ADGRF1: variants seen among roughly 807,000 people sequenced by gnomAD.
ADGRF1 encodes the protein adhesion G protein-coupled receptor F1, also known as G protein-coupled receptor 110.
A neutral mutation model predicts 87.2 loss-of-function variants in ADGRF1; 85 were observed. The ratio of observed to expected loss-of-function variants is 0.97; its 90% confidence interval spans 0.82 to 1.17. ADGRF1 has a LOEUF of 1.17. Ranked by LOEUF, ADGRF1 falls within the 50% of genes most tolerant of loss-of-function variation. The pLI, the probability that ADGRF1 is intolerant of heterozygous loss-of-function variation, is 0.00. For synonymous variants in ADGRF1, 430 were observed against 408.8 expected (o/e 1.05, Z -0.63); for missense variants, 1,169 against 1,077.2 (o/e 1.09, Z -1.19).
intron 2 of ADGRF1, among the ~76,000 whole-genome samples, chr6:47,028,551 G>T (rs1011765403): frequency 1.3e-5 from 2 of 152,152 alleles, no homozygotes; most frequent in Admixed American, 1.3e-4. Flanking sequence ...ACAGGGGAGA[G>T]GTCTGAGATG....
At chr6:47,014,955 T>G (rs1349588033) in intron 8 of ADGRF1, 111 bp from the exon 9 acceptor site, 3 of 1,370,124 alleles carry the variant, frequency 2.2e-6, no homozygotes, top group Non-Finnish European at 1.9e-6. Context: ...GGAGATGAAA[T>G]CCAGGCAAAA....
intron 14 of ADGRF1, 150 bp downstream of exon 14, chr6:47,001,351 C>T (rs113246818): frequency 4.3e-5 from 26 of 606,664 alleles, no homozygotes; most frequent in African/African-American, 1.3e-4. Flanking sequence ...GCCCTGAGCA[C>T]GGTCTGGATG....
At position 47,024,180 on chromosome 6, in the gene ADGRF1, A is replaced by G; in HGVS notation, c.315T>C (p.Cys105=). ...NSLNGVLQCT[C]EDSYTWFPPS... is the part of the protein sequence containing the mutation. Reference sequence around the variant, plus strand: ...GAGGAAACCAGGTGTAGCTGTCTTCACAGGTACACTGCAGGACTCCATTCA... The same window carrying G: ...GAGGAAACCAGGTGTAGCTGTCTTCGCAGGTACACTGCAGGACTCCATTCA... Residue 105 remains cysteine, a synonymous_variant, in exon 5 of 15, where the codon TGT becomes TGC. Coordinates refer to ENST00000371253, the MANE Select transcript of ADGRF1 (RefSeq NM_153840.4). 6.2e-7 allele frequency: 1 copy of G among 1,614,132 alleles called. No homozygotes were observed. Among genetic ancestry groups the G allele is most frequent in the Non-Finnish European group, 8.5e-7 (1 of 1,179,960 alleles).
intron 1 of ADGRF1, among the ~76,000 whole-genome samples, chr6:47,037,280 A>G (rs1467690327): frequency 1.3e-5 from 2 of 152,032 alleles, no homozygotes; most frequent in Non-Finnish European, 2.9e-5. Flanking sequence ...TTCCAGCTTG[A>G]CTATTTAAGT....
At position 47,024,115 on chromosome 6, in the gene ADGRF1, G is replaced by A; in HGVS notation, c.380C>T (p.Ala127Val). 6.2e-7 allele frequency: 1 copy of A among 1,614,128 alleles called. No individual in the cohort carries two copies. The highest frequency in any genetic ancestry group is 8.5e-7 in the Non-Finnish European group (1 of 1,179,982). ...LDPQNCYLHT[A>V]GALPSCECHL... Reference sequence around the variant, plus strand: ...ACATTCACAGCTTGGGAGTGCTCCAGCCGTGTGAAGGTAGCAGTTCTGGGG... The same window carrying A: ...ACATTCACAGCTTGGGAGTGCTCCAACCGTGTGAAGGTAGCAGTTCTGGGG... The change falls in exon 5 of 15, where the codon GCT becomes GTT. Residue 127 changes from alanine to valine, a missense_variant. By Grantham distance (64) the Ala-to-Val change is moderately conservative (BLOSUM62 0). Transcript: ENST00000371253.
At chr6:47,031,474 G>A (rs975736149) in intron 1 of ADGRF1, among the ~76,000 whole-genome samples, 2 of 151,958 alleles carry the variant, frequency 1.3e-5, no homozygotes, top group Non-Finnish European at 2.9e-5. Flanking sequence ...TGGGCATTGT[G>A]GGAAAGCCTT....
chr6:47,012,996 A>G, intron 9 of ADGRF1: 1 of 849,790 alleles, frequency 1.2e-6, no homozygotes, highest in Non-Finnish European at 1.4e-6. Context: ...CTGGTCTTGA[A>G]CTCTTGACCT....
chr6:47,010,467 G>T, intron 10 of ADGRF1, 149 bp from the exon 11 acceptor site: 2 of 730,782 alleles, frequency 2.7e-6, no homozygotes, highest in South Asian at 2.0e-5. Flanking sequence ...ATCAAATTTA[G>T]CTCAGTTCAT....
chr6:47,021,927 AT>A, intron 6 of ADGRF1, 30 bp downstream of exon 6: 1 of 1,188,018 alleles, frequency 8.4e-7, no homozygotes, highest in Non-Finnish European at 1.2e-6. Context: ...GTAGCAAACG[AT>A]TCCTTATATA....
At chr6:47,022,797 C>CTTTTTTTTTTTTT (rs1160296509) in intron 5 of ADGRF1, among the ~76,000 whole-genome samples, 1 of 135,030 alleles carries the variant, frequency 7.4e-6, no homozygotes, top group African/African-American at 3.0e-5. Context: ...TCTTTCTTTT[C>CTTTTTTTTTTTTT]TTTTTTCTTT....
chr6:47,002,925 C>G (rs903803340), intron 13 of ADGRF1, among the ~76,000 whole-genome samples: 1 of 152,138 alleles, frequency 6.6e-6, no homozygotes, highest in African/African-American at 2.4e-5. Flanking sequence ...TCTCACTGCT[C>G]TGTTCAGGAT....
chr6:47,016,262 G>T (rs947987486), intron 8 of ADGRF1, among the ~76,000 whole-genome samples: 3 of 152,132 alleles, frequency 2.0e-5, no homozygotes, highest in Non-Finnish European at 4.4e-5. Flanking sequence ...ATGTGTTAAA[G>T]ACATAATTTC....
intron 13 of ADGRF1, among the ~76,000 whole-genome samples, chr6:47,003,103 C>T (rs1030768923): frequency 2.0e-5 from 3 of 150,546 alleles, no homozygotes; most frequent in Admixed American, 2.0e-4. Flanking sequence ...CCCTCTCAGC[C>T]AAGGAGATTT....
rs577572552 is a variant in ADGRF1 at position 47,041,447 on chromosome 6, T to C, written c.-44+744A>G. Among the ~76,000 whole-genome samples the C allele has an allele frequency of 3.4e-4, 52 of 152,330 alleles. 1 individual carries two copies. The South Asian group carries it at 0.01, about 30-fold the overall frequency. On this transcript the variant is annotated intron_variant, in intron 1 of 14. Coordinates refer to ENST00000371253, the MANE Select transcript of ADGRF1 (RefSeq NM_153840.4). Reference sequence around the variant, plus strand: ...CTCTCCCACCTTGACCTTCTTTCTATATCTCCTTCGGTATTTTTCCTTCAT... The same window carrying C: ...CTCTCCCACCTTGACCTTCTTTCTACATCTCCTTCGGTATTTTTCCTTCAT...
chr6:47,029,346 G>A (rs1780341322), intron 1 of ADGRF1, among the ~76,000 whole-genome samples: 1 of 151,330 alleles, frequency 6.6e-6, no homozygotes, highest in South Asian at 2.1e-4. Context: ...GATGGTATCT[G>A]ACTAAACACA....
At chr6:47,035,096 C>T (rs1361889209) in intron 1 of ADGRF1, among the ~76,000 whole-genome samples, 2 of 152,228 alleles carry the variant, frequency 1.3e-5, no homozygotes, top group Non-Finnish European at 1.5e-5. Context: ...ACCAGTCCAG[C>T]TCGTTTCCAC....
intron 1 of ADGRF1, among the ~76,000 whole-genome samples, chr6:47,032,714 T>C (rs1780464695): frequency 6.6e-6 from 1 of 152,202 alleles, no homozygotes. Flanking sequence ...ATGAGTACTT[T>C]GCAAGTAAGG....
Position 47,014,615 on chromosome 6 carries a change from C to T in ADGRF1, c.927+66G>A, listed in dbSNP as rs575424106. ...TATACTTACCCTCCACCTAGCCATG[C>T]TCACTGGGATATTGCCACTCTGAAA... On this transcript the variant is annotated intron_variant, in intron 9 of 14. Transcript: ENST00000371253. The T allele has an allele frequency of 5.1e-6, 8 of 1,571,516 alleles. No individual in the cohort carries two copies. The African/African-American group carries it at 8.1e-5, about 16-fold the overall frequency.
Position 47,016,764 on chromosome 6 carries a change from C to A in ADGRF1, c.616G>T (p.Gly206Ter). 1 of 1,585,670 alleles carries A rather than the reference C, an allele frequency of 6.3e-7. No homozygotes were observed. The highest frequency in any genetic ancestry group is 8.6e-7 in the Non-Finnish European group (1 of 1,160,116). The change falls in exon 8 of 15, where the codon GGA (glycine) becomes TGA (stop). Residue 206 changes from glycine (G) to a stop codon, truncating the protein, a stop_gained. Transcript: ENST00000371253. LOFTEE classifies it high-confidence loss of function. Reference protein sequence around the residue: ...ESVQVTQFRNGSIVAGYEVVG... With the variant: ...ESVQVTQFRN Reference sequence around the variant, plus strand: ...ACTTCATACCCAGCAACGATGCTTCCATTTCTGCAGTGATTATGGGGAAAG... The same window carrying A: ...ACTTCATACCCAGCAACGATGCTTCAATTTCTGCAGTGATTATGGGGAAAG...
Sources: gnomAD v4.1 joint callset for allele counts (sites outside exome capture counted in the v4.1 genomes callset) on GRCh38, gnomAD v4.1.1 for gene constraint, MANE v1.5 for transcripts, NCBI Gene and HGNC (gene_info 2026-07-23, HGNC 2026-07-21) for gene names.